Variants in MAP3K4 observed in about 807,000 individuals in gnomAD.
MAP3K4 encodes mitogen-activated protein kinase kinase kinase 4.
MAP3K4 carries 67 observed loss-of-function variants against 185.6 expected under a neutral mutation model. The observed-to-expected ratio is 0.36, with a 90% CI of 0.30 to 0.44. The LOEUF is 0.44. Ranked by LOEUF, MAP3K4 falls within the 20% of genes least tolerant of loss-of-function variation. MAP3K4 has a pLI of 1.00. For missense variants in MAP3K4, 1,551 were observed against 1,995.1 expected (o/e 0.78, Z 4.24); for synonymous variants, 702 against 710.4 (o/e 0.99, Z 0.19).
rs1785760901 is a variant in MAP3K4, at chr6:161,087,115, C to A, written c.2556+448C>A. On this transcript the variant is annotated intron_variant, in intron 9 of 26. Transcript: ENST00000392142. This position sits in a 1 kb window ranked among gnomAD's most constrained non-coding sequence, Gnocchi z 4.9. Reference sequence around the variant, plus strand: ...ACTTTAAGTTGTTGGAGATTTAGCACAGTTAGAATCCGTATGTGATGTCAT... The same window carrying A: ...ACTTTAAGTTGTTGGAGATTTAGCAAAGTTAGAATCCGTATGTGATGTCAT... Among the ~76,000 whole-genome samples the A allele has an allele frequency of 6.6e-6, 1 of 152,170 alleles. No homozygotes were observed. Among genetic ancestry groups the A allele is most frequent in the African/African-American group, 2.4e-5 (1 of 41,430 alleles).
chr6:161,091,432 C>G lies in MAP3K4; in HGVS notation c.3027C>G (p.Asp1009Glu). 6.2e-7 allele frequency: 1 copy of G among 1,613,906 alleles called. No individual in the cohort carries two copies. Among genetic ancestry groups the G allele is most frequent in the Non-Finnish European group, 8.5e-7 (1 of 1,179,956 alleles). The change falls in exon 12 of 27, where the codon GAC (aspartate) becomes GAG (glutamate). Residue 1009 changes from aspartate (D) to glutamate (E), a missense_variant. Around this residue, in one of 16 missense-constraint regions of MAP3K4, gnomAD observed 261 missense variants for 306.5 expected, o/e 0.85. Transcript: ENST00000392142. The surrounding 1 kb of genome is among the most constrained non-coding windows in gnomAD (Gnocchi z 5.5). The part of the protein sequence containing the change: ...NRISNAIDRV[D>E]HMFTSEFDAE... ...TAAGCAATGCCATTGACCGCGTGGA[C>G]CACATGTTCACATCAGAATTTGATG... is the stretch of plus-strand genomic sequence containing the variant.
At chr6:161,032,367 A>G (rs1439694036) in intron 1 of MAP3K4, among the ~76,000 whole-genome samples, 7 of 152,218 alleles carry the variant, frequency 4.6e-5, no homozygotes, top group African/African-American at 1.7e-4. Flanking sequence ...TATGAATGGT[A>G]TCAAGCATTT....
rs149942263 is a variant in MAP3K4, at chr6:161,046,148, C to T, written c.344-2468C>T. On this transcript the variant is annotated intron_variant, in intron 2 of 26. Coordinates refer to ENST00000392142, the MANE Select transcript of MAP3K4 (RefSeq NM_005922.4). ...CTCATTTTCTTTACCTCCAGTCCTA[C>T]ACAGTGATACAATGTATATGTCATT... Among the ~76,000 whole-genome samples the T allele has an allele frequency of 5.1e-4, 78 of 152,064 alleles. 2 individuals carry two copies. The Middle Eastern group carries it at 0.017, about 33-fold the overall frequency.
At chr6:161,006,836 T>A (rs1009892270) in intron 1 of MAP3K4, among the ~76,000 whole-genome samples, 3 of 151,708 alleles carry the variant, frequency 2.0e-5, no homozygotes, top group Non-Finnish European at 4.4e-5. Context: ...AAATGTAACA[T>A]TCTCCAGTCC....
chr6:161,105,353 T>C (rs1233207177), intron 19 of MAP3K4, among the ~76,000 whole-genome samples: 1 of 152,240 alleles, frequency 6.6e-6, no homozygotes, highest in African/African-American at 2.4e-5. Flanking sequence ...TTACAGGTAT[T>C]ATTTCATGAA....
At position 161,077,744 on chromosome 6, in the gene MAP3K4, T is replaced by C. The variant is rs1785249238; in HGVS notation, c.2098-3137T>C. Among the ~76,000 whole-genome samples, 1 of 152,126 alleles carries C rather than the reference T, an allele frequency of 6.6e-6. No individual in the cohort carries two copies. Among genetic ancestry groups the C allele is most frequent in the East Asian group, 1.9e-4 (1 of 5,198 alleles). ...GTGAACAAGGTGTTGGGAGTGACTG[T>C]GGGTGTCCAGCTCCTGCAGCTGTGT... On this transcript the variant is annotated intron_variant, in intron 5 of 26. Transcript: ENST00000392142. The surrounding 1 kb of genome is among the most constrained non-coding windows in gnomAD (Gnocchi z 4.3).
rs554067808 is a variant in MAP3K4, at chr6:161,098,262, T to C, written c.3525-16T>C. Reference sequence around the variant, plus strand: ...TCTTCTCACATGTGTTCCTGAAGCTTTTCTTCTTGTCTTAGCACTCGGAGC... The same window carrying C: ...TCTTCTCACATGTGTTCCTGAAGCTCTTCTTCTTGTCTTAGCACTCGGAGC... On this transcript the variant is annotated splice_polypyrimidine_tract_variant and intron_variant, in intron 16 of 26. Coordinates refer to ENST00000392142, the MANE Select transcript of MAP3K4 (RefSeq NM_005922.4). This position sits in a 1 kb window ranked among gnomAD's most constrained non-coding sequence, Gnocchi z 4.4. The C allele has an allele frequency of 3.6e-5, 58 of 1,606,246 alleles. No homozygotes were observed. In the East Asian group the frequency reaches 1.2e-3, roughly 34 times the overall value.
At chr6:161,042,805 T>C (rs1026457717) in intron 2 of MAP3K4, among the ~76,000 whole-genome samples, 1 of 152,180 alleles carries the variant, frequency 6.6e-6, no homozygotes, top group Non-Finnish European at 1.5e-5. Context: ...CATTGTCAGC[T>C]TCATTTTGCA....
chr6:161,079,118 G>A (rs760223577), intron 5 of MAP3K4, among the ~76,000 whole-genome samples: 1 of 150,262 alleles, frequency 6.7e-6, no homozygotes, highest in Non-Finnish European at 1.5e-5. Context: ...GGAGGCTGAG[G>A]CAGGAGAATC....
rs1171832255 is a variant in MAP3K4 at position 161,017,044 on chromosome 6, C to T, written c.153-17215C>T. Among the ~76,000 whole-genome samples, 1 of 151,604 alleles carries T rather than the reference C, an allele frequency of 6.6e-6. No individual in the cohort carries two copies. The highest frequency in any genetic ancestry group is 2.4e-5 in the African/African-American group (1 of 41,172). ...AAGTTACTAGTAATGATATATATCTCGGGAGTATAATGCTTTACTAAAGGT... is the reference window on the plus strand; with the variant it reads ...AAGTTACTAGTAATGATATATATCTTGGGAGTATAATGCTTTACTAAAGGT... On this transcript the variant is annotated intron_variant, in intron 1 of 26. Transcript: ENST00000392142. The surrounding 1 kb of genome is among the most constrained non-coding windows in gnomAD (Gnocchi z 5.1).
In MAP3K4 at chr6:161,053,699, C is replaced by G. The variant is rs1784106968; in HGVS notation, c.1707+3720C>G. On this transcript the variant is annotated intron_variant, in intron 3 of 26. Transcript: ENST00000392142. This position sits in a 1 kb window ranked among gnomAD's most constrained non-coding sequence, Gnocchi z 4.2. ...CTCTGTCTCCCGGGTTCAGGCAATT[C>G]TCCTGTCTCAGCCTCTTGAGTAGCT... 6.6e-6 allele frequency among the ~76,000 whole-genome samples: 1 copy of G among 152,146 alleles called. No individual in the cohort carries two copies. The highest frequency in any genetic ancestry group is 1.5e-5 in the Non-Finnish European group (1 of 68,036).
intron 1 of MAP3K4, among the ~76,000 whole-genome samples, chr6:160,994,915 T>G (rs593184): frequency 0.93 from 141,470 of 152,188 alleles, 66,031 homozygotes; most frequent in Non-Finnish European, 0.94. Context: ...TGGTCAGGCT[T>G]GTCTTGAACT....
At chr6:161,078,794 G>A (rs991000618) in intron 5 of MAP3K4, among the ~76,000 whole-genome samples, 6 of 152,324 alleles carry the variant, frequency 3.9e-5, no homozygotes, top group Non-Finnish European at 7.3e-5. Flanking sequence ...GATGAAGGCC[G>A]ATTAGAAGTC....
chr6:161,000,642 CAT>C lies in MAP3K4; in HGVS notation c.152+8561_152+8562del, dbSNP rs1365124119. Among the ~76,000 whole-genome samples the C allele has an allele frequency of 2.6e-5, 4 of 152,058 alleles. No individual in the cohort carries two copies. In the South Asian group the frequency reaches 8.3e-4, roughly 31 times the overall value. On this transcript the variant is annotated intron_variant, in intron 1 of 26. Transcript: ENST00000392142. Reference sequence around the variant, plus strand: ...AGTAACCTGTGTTTAAAATTTTTCACATAGAGCAGTCCTTAAGAAAAGAAAGG... The same window carrying C: ...AGTAACCTGTGTTTAAAATTTTTCACAGAGCAGTCCTTAAGAAAAGAAAGG...
Position 161,115,170 on chromosome 6 carries a change from G to A in MAP3K4, c.4674G>A (p.Val1558=). The part of the protein sequence containing the change: ...YEHNFQIMYK[V]GMGHKPPIPE... ...ACAACTTTCAAATTATGTATAAAGTGGGGATGGGACATAAGCCACCAATCC... is the reference window on the plus strand; with the variant it reads ...ACAACTTTCAAATTATGTATAAAGTAGGGATGGGACATAAGCCACCAATCC... The change falls in exon 26 of 27, where the codon GTG becomes GTA. Residue 1558 remains valine, a synonymous_variant. Coordinates refer to ENST00000392142, the MANE Select transcript of MAP3K4 (RefSeq NM_005922.4). The surrounding 1 kb of genome is among the most constrained non-coding windows in gnomAD (Gnocchi z 6.0). 1.2e-6 allele frequency: 2 copies of A among 1,614,066 alleles called. No homozygotes were observed. Among genetic ancestry groups the A allele is most frequent in the Non-Finnish European group, 1.7e-6 (2 of 1,179,954 alleles).
rs574054977 is a variant in MAP3K4, at chr6:160,992,101, A to T, written c.152+18A>T. The T allele has an allele frequency of 1.3e-6, 2 of 1,537,548 alleles. No homozygotes were observed. The highest frequency in any genetic ancestry group is 1.9e-5 in the Admixed American group (1 of 51,954). On this transcript the variant is annotated intron_variant, in intron 1 of 26. Transcript: ENST00000392142. ...GCGGCGAGGTGAGTGTGGCGGCCGC[A>T]GTCGGTCGCTCGCAGAAAGCGGGGC...
At position 161,008,432 on chromosome 6, in the gene MAP3K4, T is replaced by C. The variant is rs1781694813; in HGVS notation, c.152+16349T>C. Among the ~76,000 whole-genome samples, 1 of 152,190 alleles carries C rather than the reference T, an allele frequency of 6.6e-6. No individual in the cohort carries two copies. The highest frequency in any genetic ancestry group is 1.5e-5 in the Non-Finnish European group (1 of 68,016). On this transcript the variant is annotated intron_variant, in intron 1 of 26. Coordinates refer to ENST00000392142, the MANE Select transcript of MAP3K4 (RefSeq NM_005922.4). This position sits in a 1 kb window ranked among gnomAD's most constrained non-coding sequence, Gnocchi z 4.1. ...AATATATGTAAAATTATAATCCATTTTATTCTTTACAGAATTTTACATACC... is the reference window on the plus strand; with the variant it reads ...AATATATGTAAAATTATAATCCATTCTATTCTTTACAGAATTTTACATACC...
Position 161,022,897 on chromosome 6 carries a change from C to T in MAP3K4, c.153-11362C>T, listed in dbSNP as rs1358917182. Among the ~76,000 whole-genome samples, 4 of 152,070 alleles carry T rather than the reference C, an allele frequency of 2.6e-5. No homozygotes were observed. Among genetic ancestry groups the T allele is most frequent in the African/African-American group, 7.2e-5 (3 of 41,400 alleles). ...TACTTACCAAGCATGGTAAGTACTCCGTGCCTAACGGTAGCAATTATACTG... is the reference window on the plus strand; with the variant it reads ...TACTTACCAAGCATGGTAAGTACTCTGTGCCTAACGGTAGCAATTATACTG... On this transcript the variant is annotated intron_variant, in intron 1 of 26. Transcript: ENST00000392142. This position sits in a 1 kb window ranked among gnomAD's most constrained non-coding sequence, Gnocchi z 4.2.
At chr6:161,083,375 G>C (rs901989633) in intron 6 of MAP3K4, among the ~76,000 whole-genome samples, 1 of 152,110 alleles carries the variant, frequency 6.6e-6, no homozygotes, top group African/African-American at 2.4e-5. Flanking sequence ...TGCTTAGTAC[G>C]TAATAGGCAC....
Sources: allele counts gnomAD v4.1 joint callset (sites outside exome capture counted in the v4.1 genomes callset), GRCh38; gene constraint gnomAD v4.1.1; regional missense constraint gnomAD v4.1.1; non-coding constraint Gnocchi (gnomAD v3.1); transcripts MANE v1.5; gene names NCBI Gene and HGNC (gene_info 2026-07-23, HGNC 2026-07-21).